The following FOXP2 variants were observed in gnomAD, a reference collection of about 807,000 sequenced individuals.
FOXP2 encodes forkhead box protein P2.
Under a neutral mutation model 115.8 loss-of-function variants are expected in FOXP2, and 12 were observed. The ratio of observed to expected loss-of-function variants is 0.10; its 90% CI spans 0.07 to 0.17. The LOEUF (loss-of-function observed/expected upper bound fraction) is 0.17, where lower values mean the gene tolerates loss of function less well. Among genes scored for constraint, FOXP2 ranks in the 10% least tolerant of loss-of-function variants. FOXP2 has a pLI of 1.00. For missense variants in FOXP2, 629 were observed against 843.5 expected, an observed-to-expected ratio of 0.75 and a Z score of 3.15; for synonymous variants, 328 against 297.7, an observed-to-expected ratio of 1.10 and a Z score of -1.05.
intron 1 of FOXP2, among the ~76,000 whole-genome samples, chr7:114,136,196 TC>T (rs1163953384): frequency 1.3e-5 from 2 of 152,100 alleles, no homozygotes; most frequent in Non-Finnish European, 2.9e-5. Flanking sequence ...TCTTGATACT[TC>T]CTTCTATCCT....
At chr7:114,483,326 C>T (rs1420308620) in intron 2 of FOXP2, among the ~76,000 whole-genome samples, 1 of 151,392 alleles carries the variant, frequency 6.6e-6, no homozygotes, top group African/African-American at 2.4e-5. Flanking sequence ...TTTTTCCTTC[C>T]TACTCTTCAA....
At chr7:114,366,063 A>T (rs764034055) in intron 2 of FOXP2, among the ~76,000 whole-genome samples, 4 of 151,996 alleles carry the variant, frequency 2.6e-5, no homozygotes, top group African/African-American at 9.7e-5. Flanking sequence ...AAATAAGTGA[A>T]CTCCATGCAG....
At chr7:114,507,872 TAGTA>T (rs1487026457) in intron 2 of FOXP2, among the ~76,000 whole-genome samples, 2 of 151,946 alleles carry the variant, frequency 1.3e-5, no homozygotes, top group East Asian at 3.9e-4. Context: ...TCATGTTTGT[TAGTA>T]AGGAAGAAGG....
chr7:114,102,734 C>CACA (rs1584480301), intron 1 of FOXP2, among the ~76,000 whole-genome samples: 1 of 106,630 alleles, frequency 9.4e-6, no homozygotes, highest in African/African-American at 4.4e-5. Flanking sequence ...ACACACACAC[C>CACA]CCAATGGTTA....
chr7:114,392,557 T>C (rs1792629577), intron 2 of FOXP2, among the ~76,000 whole-genome samples: 1 of 152,082 alleles, frequency 6.6e-6, no homozygotes, highest in Admixed American at 6.6e-5. Context: ...GGATAGTAAA[T>C]AAAATAGTAT....
chr7:114,380,710 T>C (rs1452976800), intron 2 of FOXP2, among the ~76,000 whole-genome samples: 2 of 152,238 alleles, frequency 1.3e-5, no homozygotes, highest in Non-Finnish European at 2.9e-5. Context: ...AAGTCTCCTT[T>C]AGCAGTGAGT....
At chr7:114,446,560 C>G (rs1794842579) in intron 2 of FOXP2, among the ~76,000 whole-genome samples, 1 of 151,804 alleles carries the variant, frequency 6.6e-6, no homozygotes, top group African/African-American at 2.4e-5. Flanking sequence ...TATATATAAT[C>G]ATTCTTTATA....
At chr7:114,604,637 C>T (rs1803215879) in intron 3 of FOXP2, among the ~76,000 whole-genome samples, 1 of 152,114 alleles carries the variant, frequency 6.6e-6, no homozygotes, top group Non-Finnish European at 1.5e-5. Context: ...AGATATCAAA[C>T]ATTCTGGTTT....
chr7:114,679,884 GTA>G (rs1156282298), intron 16 of FOXP2, among the ~76,000 whole-genome samples: 9 of 152,196 alleles, frequency 5.9e-5, no homozygotes, highest in African/African-American at 2.2e-4. Flanking sequence ...AAAGTTACTT[GTA>G]TATATGTCTT....
At chr7:114,630,150 G>A in intron 5 of FOXP2, 145 bp downstream of exon 5, 1 of 1,405,596 alleles carries the variant, frequency 7.1e-7, no homozygotes, top group East Asian at 2.3e-5. Context: ...CTTAGTAACA[G>A]TGATAGGCTC....
chr7:114,226,923 T>C (rs1794761277), intron 1 of FOXP2, among the ~76,000 whole-genome samples: 1 of 152,150 alleles, frequency 6.6e-6, no homozygotes, highest in Admixed American at 6.6e-5. Flanking sequence ...TAATACAGAC[T>C]TCATTGAAAT....
At chr7:114,178,263 A>G (rs1362753397) in intron 1 of FOXP2, among the ~76,000 whole-genome samples, 1 of 151,930 alleles carries the variant, frequency 6.6e-6, no homozygotes, top group Admixed American at 6.6e-5. Context: ...ATTACAATTC[A>G]TGTAAATTCT....
intron 3 of FOXP2, among the ~76,000 whole-genome samples, chr7:114,547,081 A>G (rs1185180959): frequency 6.6e-6 from 1 of 152,214 alleles, no homozygotes; most frequent in Non-Finnish European, 1.5e-5. Flanking sequence ...TATCATTAGA[A>G]GACATGATTC....
intron 1 of FOXP2, among the ~76,000 whole-genome samples, chr7:114,092,728 A>C (rs1468011229): frequency 1.3e-5 from 2 of 152,052 alleles, no homozygotes; most frequent in African/African-American, 4.8e-5. Context: ...AAGATCCCCA[A>C]CATCTTTAAG....
intron 3 of FOXP2, among the ~76,000 whole-genome samples, chr7:114,562,601 T>G (rs1483321198): frequency 1.3e-5 from 2 of 152,160 alleles, no homozygotes; most frequent in Non-Finnish European, 2.9e-5. Context: ...TACCTACCCC[T>G]TTCCACCTCT....
At chr7:114,452,013 A>G (rs1350546423) in intron 2 of FOXP2, among the ~76,000 whole-genome samples, 1 of 151,582 alleles carries the variant, frequency 6.6e-6, no homozygotes, top group African/African-American at 2.4e-5. Context: ...AAACTTTCTT[A>G]TTTTTCTTTT....
chr7:114,395,805 T>C (rs978343687), intron 2 of FOXP2, among the ~76,000 whole-genome samples: 1 of 151,964 alleles, frequency 6.6e-6, no homozygotes, highest in Non-Finnish European at 1.5e-5. Context: ...ACAGGATTTC[T>C]CATTCATTTT....
intron 2 of FOXP2, among the ~76,000 whole-genome samples, chr7:114,460,322 A>G (rs1351008206): frequency 1.3e-5 from 2 of 152,182 alleles, no homozygotes; most frequent in African/African-American, 4.8e-5. Context: ...GCCTTCAGTT[A>G]AAAACTTGCT....
intron 3 of FOXP2, among the ~76,000 whole-genome samples, chr7:114,591,477 C>T (rs1382872536): frequency 6.6e-6 from 1 of 151,970 alleles, no homozygotes; most frequent in African/African-American, 2.4e-5. Context: ...TTATATTGAA[C>T]TAACTTATAG....
Sources: allele counts gnomAD v4.1 joint callset (sites outside exome capture counted in the v4.1 genomes callset), GRCh38; gene constraint gnomAD v4.1.1; transcripts MANE v1.5; gene names NCBI Gene and HGNC (gene_info 2026-07-23, HGNC 2026-07-21).